The following CRTC1 variants were observed in gnomAD, a reference collection of about 807,000 sequenced individuals.
The protein encoded by CRTC1 is CREB-regulated transcription coactivator 1.
Under a neutral mutation model 66.1 loss-of-function variants are expected in CRTC1, and 18 were observed. The observed-to-expected ratio is 0.27, with a 90% CI of 0.19 to 0.40. The LOEUF is 0.40. Among genes scored for constraint, CRTC1 ranks in the 10% least tolerant of loss-of-function variants. The probability of loss-of-function intolerance (pLI) is 1.00; values close to 1 mark genes in which losing one functional copy is unlikely to be tolerated. For synonymous variants in CRTC1, 416 were observed against 398.8 expected (o/e 1.04, Z -0.51); for missense variants, 669 against 887.9 (o/e 0.75, Z 3.13).
chr19:18,742,395 G>C (rs1347334422), intron 1 of CRTC1, among the ~76,000 whole-genome samples: 2 of 152,188 alleles, frequency 1.3e-5, no homozygotes, highest in Non-Finnish European at 2.9e-5. Flanking sequence ...GGACTGACTT[G>C]GCTGCCCTGG....
Position 18,715,405 on chromosome 19 carries a change from CTTCTCTTCTA to C in CRTC1, c.127-27504_127-27495del, listed in dbSNP as rs2053484962. Among the ~76,000 whole-genome samples, 8 of 152,336 alleles carry C rather than the reference CTTCTCTTCTA, an allele frequency of 5.3e-5. No homozygotes were observed. The South Asian group carries it at 1.7e-3, about 32-fold the overall frequency. ...ACCACGCCTGGCTAATACCCCTTCT[CTTCTCTTCTA>C]AAGGCCCTTGCCATTGGATTAGGGC... On this transcript the variant is annotated intron_variant, in intron 1 of 13. Transcript: ENST00000321949.
chr19:18,753,445 C>T (rs767604546), intron 5 of CRTC1, 55 bp from the exon 6 acceptor site: 38 of 1,322,748 alleles, frequency 2.9e-5, no homozygotes, highest in African/African-American at 2.4e-4. Context: ...TACCACCATG[C>T]GGCTGCAAAG....
chr19:18,725,118 C>T (rs1267647158), intron 1 of CRTC1, among the ~76,000 whole-genome samples: 2 of 152,112 alleles, frequency 1.3e-5, no homozygotes, highest in African/African-American at 2.4e-5. Flanking sequence ...TTGGGGAGCT[C>T]AGTATCTTTT....
intron 1 of CRTC1, among the ~76,000 whole-genome samples, chr19:18,691,522 CAAAAAAAAAAAAAA>C (rs60633222): frequency 4.1e-5 from 3 of 72,668 alleles, no homozygotes; most frequent in Non-Finnish European, 7.6e-5. Context: ...CCCTTTTCTC[CAAAAAAAAAAAAAA>C]AAAAAAAAGA....
intron 1 of CRTC1, among the ~76,000 whole-genome samples, chr19:18,725,916 T>C (rs1263845807): frequency 6.6e-6 from 1 of 152,202 alleles, no homozygotes; most frequent in Non-Finnish European, 1.5e-5. Flanking sequence ...CCAGATCCCC[T>C]GGGGACATCC....
chr19:18,692,684 C>G (rs1455506407), intron 1 of CRTC1, among the ~76,000 whole-genome samples: 1 of 152,052 alleles, frequency 6.6e-6, no homozygotes, highest in Non-Finnish European at 1.5e-5. Flanking sequence ...CTTCCTGGAC[C>G]CTCAGCGTGT....
chr19:18,733,480 G>A (rs112027813), intron 1 of CRTC1, among the ~76,000 whole-genome samples: 3 of 152,362 alleles, frequency 2.0e-5, no homozygotes, highest in African/African-American at 7.2e-5. Context: ...CAGGCCTGGT[G>A]TTTGTATATG....
Position 18,703,519 on chromosome 19 carries a change from C to T in CRTC1, c.126+19691C>T, listed in dbSNP as rs1313752963. ...TGTCGCCTAGGCTGGAGTGCAGTGG[C>T]ACGATCTCAGCTCACTGCAAGCAAC... On this transcript the variant is annotated intron_variant, in intron 1 of 13. Coordinates refer to ENST00000321949, the MANE Select transcript of CRTC1 (RefSeq NM_015321.3). 2.6e-5 allele frequency among the ~76,000 whole-genome samples: 4 copies of T among 152,020 alleles called. No homozygotes were observed. In the East Asian group the frequency reaches 5.8e-4, roughly 22 times the overall value.
rs779504656 is a variant in CRTC1 at position 18,777,840 on chromosome 19, C to T, written c.*458C>T. 4.8e-5 allele frequency: 14 copies of T among 293,166 alleles called. No individual in the cohort carries two copies. The highest frequency in any genetic ancestry group is 7.7e-5 in the Non-Finnish European group (12 of 156,426). The allele number at this position is 293,166 out of a possible 1,614,324, so 18.2% of individuals were successfully genotyped here. A position where few individuals can be genotyped will look rare whatever the true frequency, so the allele number is the denominator to read the frequency against. On this transcript the variant is annotated 3_prime_UTR_variant, in exon 14 of 14. Transcript: ENST00000321949. The surrounding 1 kb of genome is among the most constrained non-coding windows in gnomAD (Gnocchi z 5.5). Reference sequence around the variant, plus strand: ...TTCCTTGGTTCCCGGTCCCCCAGCCCATCCGCCATCCCCAGCCCGTGGTCA... The same window carrying T: ...TTCCTTGGTTCCCGGTCCCCCAGCCTATCCGCCATCCCCAGCCCGTGGTCA...
chr19:18,725,100 G>A (rs1280449831), intron 1 of CRTC1, among the ~76,000 whole-genome samples: 2 of 152,088 alleles, frequency 1.3e-5, no homozygotes, highest in Non-Finnish European at 2.9e-5. Flanking sequence ...ACCCCTGTAT[G>A]CTTCACCTTG....
In CRTC1 at chr19:18,781,989, A is replaced by T. The variant is rs949254195; in HGVS notation, c.*4607A>T. Reference sequence around the variant, plus strand: ...ATGGACTTGGCCAGTAGGCCTGGGGAGGGAGGGCTTTGGCAGCCAAAGTCC... The same window carrying T: ...ATGGACTTGGCCAGTAGGCCTGGGGTGGGAGGGCTTTGGCAGCCAAAGTCC... On this transcript the variant is annotated 3_prime_UTR_variant, in exon 14 of 14. Transcript: ENST00000321949. 1 of 229,376 alleles carries T rather than the reference A, an allele frequency of 4.4e-6. No individual in the cohort carries two copies. Among genetic ancestry groups the T allele is most frequent in the Non-Finnish European group, 8.6e-6 (1 of 115,628 alleles). The allele number at this position is 229,376 out of a possible 1,614,324, so 14.2% of individuals were successfully genotyped here.
At chr19:18,686,842 C>T (rs2052694642) in intron 1 of CRTC1, among the ~76,000 whole-genome samples, 1 of 151,754 alleles carries the variant, frequency 6.6e-6, no homozygotes. Context: ...CCCCAGGGGA[C>T]ACTTGGTGAT....
At chr19:18,731,087 C>T (rs1174931499) in intron 1 of CRTC1, among the ~76,000 whole-genome samples, 1 of 152,230 alleles carries the variant, frequency 6.6e-6, no homozygotes, top group African/African-American at 2.4e-5. Context: ...TCAAACAGTA[C>T]TGCCTCTGCC....
chr19:18,745,661 C>G (rs1328640762), intron 2 of CRTC1, among the ~76,000 whole-genome samples, 162 bp from the exon 3 acceptor site: 3 of 152,214 alleles, frequency 2.0e-5, no homozygotes, highest in Non-Finnish European at 4.4e-5. Flanking sequence ...AGCCAGGGAG[C>G]TGGGGCTGAA....
chr19:18,735,516 C>T (rs1305325940), intron 1 of CRTC1: 1 of 152,458 alleles, frequency 6.6e-6, no homozygotes, highest in Non-Finnish European at 1.5e-5. Flanking sequence ...GATGGCGTGT[C>T]CCCTGGGAGT....
In CRTC1 at chr19:18,766,602, C is replaced by T. The variant is rs1362446473; in HGVS notation, c.1011+1074C>T. On this transcript the variant is annotated intron_variant, in intron 9 of 13. Transcript: ENST00000321949. ...CTGGGATTACAGGTGACCGCCACCA[C>T]GCCTGGCTAATTAAAAAAAATAATA... Among the ~76,000 whole-genome samples the T allele has an allele frequency of 2.0e-5, 3 of 150,550 alleles. No individual in the cohort carries two copies. In the East Asian group the frequency reaches 5.9e-4, roughly 30 times the overall value.
intron 1 of CRTC1, among the ~76,000 whole-genome samples, chr19:18,717,445 C>G (rs2053533316): frequency 6.6e-6 from 1 of 152,002 alleles, no homozygotes; most frequent in Non-Finnish European, 1.5e-5. Flanking sequence ...GGCTGCCACC[C>G]CATACTGTTC....
intron 11 of CRTC1, among the ~76,000 whole-genome samples, chr19:18,773,212 G>A (rs1165068045): frequency 6.6e-6 from 1 of 152,052 alleles, no homozygotes; most frequent in Non-Finnish European, 1.5e-5. Flanking sequence ...TCTAGGTGGA[G>A]CCGAGACCTG....
intron 9 of CRTC1, among the ~76,000 whole-genome samples, chr19:18,767,704 C>T (rs971677179): frequency 5.3e-5 from 8 of 152,234 alleles, no homozygotes; most frequent in African/African-American, 1.9e-4. Context: ...GCTGTGTCTT[C>T]AGCCACTTTG....
Sources: allele counts gnomAD v4.1 joint callset (sites outside exome capture counted in the v4.1 genomes callset), GRCh38; gene constraint gnomAD v4.1.1; non-coding constraint Gnocchi (gnomAD v3.1); transcripts MANE v1.5; gene names NCBI Gene and HGNC (gene_info 2026-07-23, HGNC 2026-07-21).